CAST: variants seen among roughly 807,000 people sequenced by gnomAD.
CAST encodes the protein calpastatin.
In CAST, 76 loss-of-function variants were observed where a neutral mutation model predicts 119.6. That is an observed-to-expected ratio of 0.64 (90% CI 0.53 to 0.77). The LOEUF (loss-of-function observed/expected upper bound fraction) is 0.77, where lower values mean the gene tolerates loss of function less well. Among genes scored for constraint, CAST ranks in the 30% least tolerant of loss-of-function variants. The pLI is 0.00. For synonymous variants in CAST, 319 were observed against 331.6 expected (o/e 0.96, Z 0.41); for missense variants, 953 against 946.5 (o/e 1.01, Z -0.09).
chr5:96,263,142 G>A, the CAST span, among the ~76,000 whole-genome samples: 2 of 152,182 alleles, frequency 1.3e-5, no homozygotes, highest in East Asian at 3.8e-4. Context: ...TTGCAGTAGG[G>A]TATGGGCGTC....
chr5:96,283,498 C>G, the CAST span, among the ~76,000 whole-genome samples: 1 of 152,194 alleles, frequency 6.6e-6, no homozygotes, highest in Non-Finnish European at 1.5e-5. Context: ...AAGACGGATC[C>G]AAACTCCCTG....
chr5:96,433,008 G>A, the CAST span: 4 of 1,614,234 alleles, frequency 2.5e-6, no homozygotes, highest in South Asian at 2.2e-5. Flanking sequence ...GAGGACGAAA[G>A]CAGTGCACTG....
intron 25 of CAST, chr5:96,762,850 T>C: frequency 2.8e-6 from 1 of 361,056 alleles, no homozygotes; most frequent in Non-Finnish European, 5.1e-6. Context: ...TCTTCCCAAT[T>C]CACACCAGTA....
At chr5:96,670,973 T>C (rs1176376803) in intron 1 of CAST, among the ~76,000 whole-genome samples, 1 of 152,238 alleles carries the variant, frequency 6.6e-6, no homozygotes, top group East Asian at 1.9e-4. Context: ...CACTTAGCTC[T>C]TATTGATTTT....
At chr5:96,187,760 C>T in the CAST span, among the ~76,000 whole-genome samples, 2 of 152,236 alleles carry the variant, frequency 1.3e-5, no homozygotes, top group South Asian at 4.1e-4. Flanking sequence ...GTTCAATAGT[C>T]GAGGCTACCG....
the CAST span, among the ~76,000 whole-genome samples, chr5:96,236,051 A>G: frequency 6.6e-6 from 1 of 152,088 alleles, no homozygotes; most frequent in African/African-American, 2.4e-5. Context: ...GAATGTTATA[A>G]TTACTTCTTA....
the CAST span, among the ~76,000 whole-genome samples, chr5:95,997,775 C>G: frequency 6.6e-6 from 1 of 152,058 alleles, no homozygotes; most frequent in Non-Finnish European, 1.5e-5. Context: ...CTCAGAAACT[C>G]TATGCCATAG....
the CAST span, among the ~76,000 whole-genome samples, chr5:96,419,849 T>C: frequency 6.6e-6 from 1 of 152,152 alleles, no homozygotes; most frequent in Non-Finnish European, 1.5e-5. Context: ...CCCTTTGTTT[T>C]GAGGAAGGTC....
chr5:96,219,786 A>G, the CAST span, among the ~76,000 whole-genome samples: 1 of 151,476 alleles, frequency 6.6e-6, no homozygotes, highest in East Asian at 1.9e-4. Context: ...GAAAGGAAGG[A>G]AGGAAGGAGA....
chr5:96,579,110 G>T (rs988363592), intron 1 of CAST, among the ~76,000 whole-genome samples: 2 of 152,202 alleles, frequency 1.3e-5, no homozygotes, highest in Non-Finnish European at 2.9e-5. Context: ...CCATTTGTGT[G>T]GCTGGGTCCT....
the CAST span, among the ~76,000 whole-genome samples, chr5:96,109,136 T>G: frequency 1.1e-3 from 164 of 152,294 alleles, 2 homozygotes; most frequent in South Asian, 0.034. Flanking sequence ...GCACTCCCTA[T>G]TGAGATGAAC....
chr5:96,207,937 G>T, the CAST span, among the ~76,000 whole-genome samples: 2 of 151,796 alleles, frequency 1.3e-5, no homozygotes, highest in Non-Finnish European at 2.9e-5. Flanking sequence ...GGCTTTTTCT[G>T]GTTGTTAGGC....
the CAST span, among the ~76,000 whole-genome samples, chr5:96,296,752 G>A: frequency 2.6e-5 from 4 of 152,186 alleles, no homozygotes; most frequent in Non-Finnish European, 4.4e-5. Context: ...CTGCTCAACT[G>A]TGTTGGTTAT....
chr5:96,583,215 C>CTT (rs202088988), intron 1 of CAST, among the ~76,000 whole-genome samples: 108 of 143,380 alleles, frequency 7.5e-4, no homozygotes, highest in Middle Eastern at 3.6e-3. Context: ...TTCTCTTATT[C>CTT]TTTTTTTTTT....
intron 1 of CAST, among the ~76,000 whole-genome samples, chr5:96,595,728 A>T (rs1747041940): frequency 6.6e-6 from 1 of 152,252 alleles, no homozygotes; most frequent in African/African-American, 2.4e-5. Flanking sequence ...GAAGAAGAAC[A>T]TAGAGAAAAT....
At chr5:96,059,734 C>T in the CAST span, among the ~76,000 whole-genome samples, 1 of 152,042 alleles carries the variant, frequency 6.6e-6, no homozygotes, top group African/African-American at 2.4e-5. Flanking sequence ...ATGGAATGGG[C>T]ATATAGGTAG....
chr5:96,307,806 T>C, the CAST span, among the ~76,000 whole-genome samples: 1 of 152,218 alleles, frequency 6.6e-6, no homozygotes, highest in Admixed American at 6.5e-5. Context: ...TTGTAGGGTT[T>C]CTCCCGAGAG....
the CAST span, among the ~76,000 whole-genome samples, chr5:96,300,405 A>C: frequency 6.6e-6 from 1 of 152,286 alleles, no homozygotes; most frequent in East Asian, 1.9e-4. Flanking sequence ...AAATCAATTG[A>C]CCATAGATAT....
At chr5:96,421,845 A>T in the CAST span, 2 of 1,081,738 alleles carry the variant, frequency 1.8e-6, no homozygotes, top group Non-Finnish European at 2.9e-6. Context: ...AGCATTGTAA[A>T]GTACTTTATT....
Sources: gnomAD v4.1 joint callset for allele counts (sites outside exome capture counted in the v4.1 genomes callset) on GRCh38, gnomAD v4.1.1 for gene constraint, MANE v1.5 for transcripts, NCBI Gene and HGNC (gene_info 2026-07-23, HGNC 2026-07-21) for gene names.